ZNF710: variants seen among roughly 807,000 people sequenced by gnomAD.
ZNF710 encodes zinc finger protein 710.
ZNF710 carries 13 observed loss-of-function variants against 50.6 expected under a neutral mutation model. The observed-to-expected ratio is 0.26, with a 90% CI of 0.17 to 0.41. The LOEUF (loss-of-function observed/expected upper bound fraction) is 0.41, where lower values mean the gene tolerates loss of function less well. ZNF710 is among the 10% of genes least tolerant of loss of function. ZNF710 has a pLI of 1.00. For synonymous variants in ZNF710, 383 were observed against 397.0 expected (o/e 0.96, Z 0.42); for missense variants, 721 against 936.6 (o/e 0.77, Z 3.01).
intron 1 of ZNF710, among the ~76,000 whole-genome samples, chr15:90,048,663 C>T (rs1278030070): frequency 1.3e-5 from 2 of 152,242 alleles, no homozygotes; most frequent in African/African-American, 2.4e-5. Flanking sequence ...ATTATCTACA[C>T]TCTGGTGAGG....
chr15:90,021,853 A>G (rs1334369162), intron 1 of ZNF710, among the ~76,000 whole-genome samples: 1 of 152,188 alleles, frequency 6.6e-6, no homozygotes, highest in Admixed American at 6.5e-5. Flanking sequence ...TGGGAGGCTG[A>G]GGCAGGCGGA....
chr15:90,066,016 C>A (rs1401900347), intron 1 of ZNF710, among the ~76,000 whole-genome samples: 1 of 152,150 alleles, frequency 6.6e-6, no homozygotes, highest in Non-Finnish European at 1.5e-5. Context: ...TCAAGGAGCT[C>A]TTCTTTCAAA....
intron 1 of ZNF710, among the ~76,000 whole-genome samples, chr15:90,012,463 G>C (rs1158764093): frequency 6.6e-6 from 1 of 151,874 alleles, no homozygotes; most frequent in African/African-American, 2.4e-5. Flanking sequence ...GTAGAGACGG[G>C]GTTTCACCGT....
At chr15:90,026,569 T>G (rs541927563) in intron 1 of ZNF710, among the ~76,000 whole-genome samples, 2 of 152,268 alleles carry the variant, frequency 1.3e-5, no homozygotes, top group East Asian at 3.9e-4. Flanking sequence ...AGCTCTCCAG[T>G]TCATTCTACA....
intron 1 of ZNF710, among the ~76,000 whole-genome samples, chr15:90,049,754 T>C (rs1899580472): frequency 6.6e-6 from 1 of 152,198 alleles, no homozygotes; most frequent in South Asian, 2.1e-4. Context: ...TCCTCTACCC[T>C]GCAGCCAACA....
At position 90,067,747 on chromosome 15, in the gene ZNF710, A is replaced by G. The variant is rs1228326533; in HGVS notation, c.610A>G (p.Met204Val). Residue 204 changes from methionine (M) to valine (V), a missense_variant, in exon 2 of 5, where the codon ATG becomes GTG. By Grantham distance (21) the Met-to-Val change is conservative. Coordinates refer to ENST00000268154, the MANE Select transcript of ZNF710 (RefSeq NM_198526.4). The surrounding 1 kb of genome is among the most constrained non-coding windows in gnomAD (Gnocchi z 8.1). ...PARDGFPEPS[M>V]ALPGPEALPT... ...CCGGGATGGCTTCCCCGAGCCCAGC[A>G]TGGCGCTGCCTGGGCCAGAGGCCTT... 6.3e-7 allele frequency: 1 copy of G among 1,596,698 alleles called. No homozygotes were observed. The highest frequency in any genetic ancestry group is 1.3e-5 in the African/African-American group (1 of 74,696).
chr15:90,059,623 T>C lies in ZNF710; in HGVS notation c.-28-7487T>C, dbSNP rs1047042876. On this transcript the variant is annotated intron_variant, in intron 1 of 4. Coordinates refer to ENST00000268154, the MANE Select transcript of ZNF710 (RefSeq NM_198526.4). This position sits in a 1 kb window ranked among gnomAD's most constrained non-coding sequence, Gnocchi z 4.1. ...CGCAGGAGGAAGAGACTCTCGAACT[T>C]CCCCTGCCCCTCCCCCGTGCCGGCG... 5.1e-4 allele frequency among the ~76,000 whole-genome samples: 77 copies of C among 151,644 alleles called. No homozygotes were observed. The highest frequency in any genetic ancestry group is 1.7e-3 in the African/African-American group (69 of 41,288).
At chr15:90,030,431 G>C (rs533641542) in intron 1 of ZNF710, among the ~76,000 whole-genome samples, 2 of 151,900 alleles carry the variant, frequency 1.3e-5, no homozygotes, top group East Asian at 3.9e-4. Context: ...TTTCAAGGCC[G>C]GTCTTGGTTT....
chr15:90,071,887 C>G (rs545644631), intron 2 of ZNF710, among the ~76,000 whole-genome samples: 1 of 152,132 alleles, frequency 6.6e-6, no homozygotes, highest in East Asian at 1.9e-4. Context: ...TGTTGGCCAG[C>G]CTGGTCTCGA....
chr15:90,013,687 G>A (rs1898375079), intron 1 of ZNF710, among the ~76,000 whole-genome samples: 1 of 151,978 alleles, frequency 6.6e-6, no homozygotes, highest in Non-Finnish European at 1.5e-5. Flanking sequence ...CTTCCTTCCT[G>A]AATACATATC....
At position 90,080,117 on chromosome 15, in the gene ZNF710, G is replaced by T; in HGVS notation, c.*288G>T. On this transcript the variant is annotated 3_prime_UTR_variant, in exon 5 of 5. Coordinates refer to ENST00000268154, the MANE Select transcript of ZNF710 (RefSeq NM_198526.4). ...CCTGCTTCCGTGGGGAGTGGGAGAA[G>T]TGGGGCCACTGGGGACAGGTCACAA... The T allele has an allele frequency of 3.2e-6, 1 of 308,252 alleles. No homozygotes were observed. The allele number at this position is 308,252 out of a possible 1,614,324, so 19.1% of individuals were successfully genotyped here.
Position 90,067,073 on chromosome 15 carries a change from G to A in ZNF710, c.-28-37G>A, listed in dbSNP as rs1051065445. On this transcript the variant is annotated intron_variant, in intron 1 of 4. Coordinates refer to ENST00000268154, the MANE Select transcript of ZNF710 (RefSeq NM_198526.4). The surrounding 1 kb of genome is among the most constrained non-coding windows in gnomAD (Gnocchi z 8.1). ...GTCTGTTGTCTGTCTGTGCAGGAGT[G>A]AGCCAGCAATATTAACCTTCCCTTC... The A allele has an allele frequency of 2.6e-6, 4 of 1,529,374 alleles. No individual in the cohort carries two copies. The highest frequency in any genetic ancestry group is 4.2e-5 in the Admixed American group (2 of 47,940). 94.7% of individuals were successfully genotyped at this position (1,529,374 alleles called of 1,614,324 possible).
rs1253277292 is a variant in ZNF710 at position 90,081,288 on chromosome 15, T to G, written c.*1459T>G. 1.8e-5 allele frequency: 2 copies of G among 110,832 alleles called. No homozygotes were observed. The highest frequency in any genetic ancestry group is 4.9e-4 in the East Asian group (2 of 4,106). The allele number at this position is 110,832 out of a possible 1,614,324, so 6.9% of individuals were successfully genotyped here. On this transcript the variant is annotated 3_prime_UTR_variant, in exon 5 of 5. Transcript: ENST00000268154. The stretch of plus-strand genomic sequence containing the variant: ...ACCAGAGATGACAGGCCCAGGGCAG[T>G]GAAATAGCACATTCAGGAACTCTAG...
In ZNF710 at chr15:90,074,197, C is replaced by A. The variant is rs765929152; in HGVS notation, c.1732C>A (p.Pro578Thr). ...CGCCGGCAGCAAGCCCTTCAAGTGCCCCTACTGCTCCAGCAAGTTTAATCT... is the reference window on the plus strand; with the variant it reads ...CGCCGGCAGCAAGCCCTTCAAGTGCACCTACTGCTCCAGCAAGTTTAATCT... The part of the protein sequence containing the change: ...LHAGSKPFKC[P>T]YCSSKFNLKG... Residue 578 changes from proline to threonine, a missense_variant, in exon 4 of 5, where the codon CCC becomes ACC. Physicochemically the swap from Pro to Thr is conservative, Grantham distance 38 (BLOSUM62 -1). Coordinates refer to ENST00000268154, the MANE Select transcript of ZNF710 (RefSeq NM_198526.4). 6.2e-7 allele frequency: 1 copy of A among 1,613,244 alleles called. No homozygotes were observed. The highest frequency in any genetic ancestry group is 1.1e-5 in the South Asian group (1 of 90,968).
intron 1 of ZNF710, among the ~76,000 whole-genome samples, chr15:90,024,140 C>T (rs554831518): frequency 6.6e-6 from 1 of 152,340 alleles, no homozygotes; most frequent in South Asian, 2.1e-4. Context: ...CACCCCTTAC[C>T]TAAGCCATGC....
At chr15:90,078,940 T>C (rs765521504) in intron 4 of ZNF710, among the ~76,000 whole-genome samples, 1 of 152,198 alleles carries the variant, frequency 6.6e-6, no homozygotes, top group Admixed American at 6.5e-5. Flanking sequence ...GAGATTTCAA[T>C]TTTATAAAAT....
chr15:90,069,283 C>CTA (rs1900297465), intron 2 of ZNF710, among the ~76,000 whole-genome samples: 1 of 151,420 alleles, frequency 6.6e-6, no homozygotes, highest in Admixed American at 6.6e-5. Flanking sequence ...TGGCATACAC[C>CTA]TATAGTCCCA....
At chr15:90,050,934 CAAT>C (rs888676927) in intron 1 of ZNF710, among the ~76,000 whole-genome samples, 2 of 152,186 alleles carry the variant, frequency 1.3e-5, no homozygotes, top group African/African-American at 4.8e-5. Context: ...ATGATAGGAA[CAAT>C]AATAATAGCA....
intron 1 of ZNF710, among the ~76,000 whole-genome samples, chr15:90,006,006 A>G (rs1484429792): frequency 6.6e-6 from 1 of 152,156 alleles, no homozygotes; most frequent in East Asian, 1.9e-4. Context: ...GTCTCTGCCC[A>G]TGCCAAAGAG....
Sources: allele counts gnomAD v4.1 joint callset (sites outside exome capture counted in the v4.1 genomes callset), GRCh38; gene constraint gnomAD v4.1.1; non-coding constraint Gnocchi (gnomAD v3.1); transcripts MANE v1.5; gene names NCBI Gene and HGNC (gene_info 2026-07-23, HGNC 2026-07-21).